DNM2: variants seen among roughly 807,000 people sequenced by gnomAD.
DNM2 encodes dynamin 2.
In DNM2, 15 loss-of-function variants were observed where a neutral mutation model predicts 99.0. That is an observed-to-expected ratio of 0.15 (90% CI 0.10 to 0.23). The LOEUF (loss-of-function observed/expected upper bound fraction) is 0.23, where lower values mean the gene tolerates loss of function less well. DNM2 is among the 10% of genes least tolerant of loss of function. The probability of loss-of-function intolerance (pLI) is 1.00; values close to 1 mark genes in which losing one functional copy is unlikely to be tolerated. For synonymous variants in DNM2, 525 were observed against 481.2 expected (o/e 1.09, Z -1.19); for missense variants, 742 against 1,189.4 (o/e 0.62, Z 5.53).
intron 18 of DNM2, among the ~76,000 whole-genome samples, chr19:10,827,210 G>A (rs1024757598): frequency 2.6e-5 from 4 of 152,084 alleles, no homozygotes; most frequent in Non-Finnish European, 4.4e-5. Context: ...CGATAGGATC[G>A]GAGACATATA....
At chr19:10,829,941 G>C (rs1051941785) in intron 19 of DNM2, among the ~76,000 whole-genome samples, 186 bp from the exon 20 acceptor site, 1 of 152,146 alleles carries the variant, frequency 6.6e-6, no homozygotes, top group Middle Eastern at 3.2e-3. Context: ...CTGTGAGTGG[G>C]AAGTGCCTGA....
intron 1 of DNM2, among the ~76,000 whole-genome samples, chr19:10,757,228 C>A (rs1460190161): frequency 1.3e-5 from 2 of 152,074 alleles, no homozygotes; most frequent in Non-Finnish European, 2.9e-5. Context: ...GCAGTCCAGG[C>A]TGCAAGCCCC....
chr19:10,787,767 A>AG (rs1276876690), intron 7 of DNM2, among the ~76,000 whole-genome samples: 8 of 151,632 alleles, frequency 5.3e-5, no homozygotes, highest in Non-Finnish European at 8.8e-5. Context: ...AAAAAAAAAA[A>AG]AAAATTGCAA....
chr19:10,730,302 C>G (rs1220775439), intron 1 of DNM2, among the ~76,000 whole-genome samples: 1 of 152,148 alleles, frequency 6.6e-6, no homozygotes, highest in African/African-American at 2.4e-5. Context: ...CATGGTGAGA[C>G]CTCGTCTCTA....
intron 1 of DNM2, among the ~76,000 whole-genome samples, chr19:10,725,445 CA>C (rs35718224): frequency 0.055 from 4,642 of 83,896 alleles, 68 homozygotes; most frequent in Middle Eastern, 0.17. Context: ...GACTCCATCT[CA>C]AAAAAAAAAA....
intron 15 of DNM2, among the ~76,000 whole-genome samples, chr19:10,815,776 G>A (rs941052881): frequency 1.3e-5 from 2 of 152,170 alleles, no homozygotes; most frequent in African/African-American, 4.8e-5. Context: ...CTTCCCCTTG[G>A]GTTTGGGGGA....
rs1415345470 is a variant in DNM2 at position 10,765,437 on chromosome 19, TTTACCAAG to T, written c.235+5627_235+5634del. ...CTGGGCGGGAAGTGATGGGGGTTACTTTACCAAGCATCTTCCCCTGGTGAGCCTGGTCC... is the reference window on the plus strand; with the variant it reads ...CTGGGCGGGAAGTGATGGGGGTTACTCATCTTCCCCTGGTGAGCCTGGTCC... On this transcript the variant is annotated intron_variant, in intron 2 of 20. Coordinates refer to ENST00000389253, the MANE Select transcript of DNM2 (RefSeq NM_001005361.3). The surrounding 1 kb of genome is among the most constrained non-coding windows in gnomAD (Gnocchi z 4.4). Among the ~76,000 whole-genome samples, 4 of 152,204 alleles carry T rather than the reference TTTACCAAG, an allele frequency of 2.6e-5. No homozygotes were observed. Among genetic ancestry groups the T allele is most frequent in the Non-Finnish European group, 4.4e-5 (3 of 68,028 alleles).
At chr19:10,823,965 TC>T in intron 17 of DNM2, 66 bp downstream of exon 17, 2 of 1,514,438 alleles carry the variant, frequency 1.3e-6, no homozygotes, top group Non-Finnish European at 1.8e-6. Context: ...GGGCTGGCTT[TC>T]CCCAGGACAG....
chr19:10,795,290 G>A lies in DNM2; in HGVS notation c.1129-82G>A. On this transcript the variant is annotated intron_variant, in intron 8 of 20. Transcript: ENST00000389253. The surrounding 1 kb of genome is among the most constrained non-coding windows in gnomAD (Gnocchi z 4.2). The stretch of plus-strand genomic sequence containing the variant: ...GCCTTGTGAATATAGCCACACGTGG[G>A]AGAGAACGTTCCCCAGATGCACGCC... The A allele has an allele frequency of 1.5e-6, 2 of 1,299,432 alleles. No individual in the cohort carries two copies. Among genetic ancestry groups the A allele is most frequent in the Admixed American group, 1.7e-5 (1 of 59,570 alleles). The allele number at this position is 1,299,432 out of a possible 1,614,324, so 80.5% of individuals were successfully genotyped here.
chr19:10,808,856 A>T, intron 14 of DNM2: 2 of 445,888 alleles, frequency 4.5e-6, no homozygotes, highest in Non-Finnish European at 8.1e-6. Context: ...TAGGTCAGGG[A>T]TGGCAAATAC....
At position 10,831,119 on chromosome 19, in the gene DNM2, C is replaced by A; in HGVS notation, c.*72C>A. 6.6e-7 allele frequency: 1 copy of A among 1,511,656 alleles called. No individual in the cohort carries two copies. The highest frequency in any genetic ancestry group is 1.4e-5 in the African/African-American group (1 of 71,586). 93.6% of individuals were successfully genotyped at this position (1,511,656 alleles called of 1,614,324 possible). ...GCAGGAGCTTCAGTGGTCTGGGGCC[C>A]TCCGCCGCCCCTATGCTGGGACCAG... is the stretch of plus-strand genomic sequence containing the variant. On this transcript the variant is annotated 3_prime_UTR_variant, in exon 21 of 21. Coordinates refer to ENST00000389253, the MANE Select transcript of DNM2 (RefSeq NM_001005361.3). The surrounding 1 kb of genome is among the most constrained non-coding windows in gnomAD (Gnocchi z 4.3).
chr19:10,777,086 GCCTCTGA>G (rs748362325), intron 4 of DNM2, 25 bp from the exon 5 acceptor site: 1 of 1,611,180 alleles, frequency 6.2e-7, no homozygotes, highest in East Asian at 2.2e-5. Flanking sequence ...CCTGGTGGCA[GCCTCTGA>G]CCTCTGACCT....
intron 1 of DNM2, among the ~76,000 whole-genome samples, chr19:10,731,952 G>T (rs74257925): frequency 0.031 from 4,683 of 148,794 alleles, 77 homozygotes; most frequent in South Asian, 0.097. Flanking sequence ...GCACAGGCTT[G>T]ATTTTTTTTT....
At chr19:10,718,425 C>T in intron 1 of DNM2, 22 bp downstream of exon 1, 8 of 1,433,536 alleles carry the variant, frequency 5.6e-6, no homozygotes, top group Non-Finnish European at 7.3e-6. Context: ...CGGCAGGGAT[C>T]GCGGGCGGGT....
In DNM2 at chr19:10,772,103, T is replaced by C. The variant is rs1246272532; in HGVS notation, c.236-376T>C. ...TATTTATTTTTTTATTTTTTTGAGA[T>C]GGAGTCTTCTCTGTCTCCCAGGCTA... On this transcript the variant is annotated intron_variant, in intron 2 of 20. Coordinates refer to ENST00000389253, the MANE Select transcript of DNM2 (RefSeq NM_001005361.3). This position sits in a 1 kb window ranked among gnomAD's most constrained non-coding sequence, Gnocchi z 4.9. Among the ~76,000 whole-genome samples the C allele has an allele frequency of 6.6e-6, 1 of 151,860 alleles. No homozygotes were observed. The highest frequency in any genetic ancestry group is 1.5e-5 in the Non-Finnish European group (1 of 68,010).
In DNM2 at chr19:10,786,701, G is replaced by C. The variant is rs761023896; in HGVS notation, c.987G>C (p.Leu329=). 1.9e-6 allele frequency: 3 copies of C among 1,614,058 alleles called. No homozygotes were observed. The East Asian group carries it at 6.7e-5, about 36-fold the overall frequency. Residue 329 remains leucine, a synonymous_variant, in exon 7 of 21, where the codon CTG becomes CTC. Transcript: ENST00000389253. ...ACCCCACCCGCAAAACCAAAGCCCT[G>C]CTGCAGTATGTACCCCGGCACCCAC... ...PDDPTRKTKA[L]LQMVQQFGVD...
rs1158222649 is a variant in DNM2 at position 10,746,732 on chromosome 19, T to TG, written c.162-13006_162-13005insG. Among the ~76,000 whole-genome samples the TG allele has an allele frequency of 7.4e-4, 87 of 118,066 alleles. 4 individuals are homozygous for TG. Among genetic ancestry groups the TG allele is most frequent in the South Asian group, 2.4e-3 (8 of 3,320 alleles). 77.5% of individuals were successfully genotyped at this position (118,066 alleles called of 152,430 possible). A position where few individuals can be genotyped will look rare whatever the true frequency, so the allele number is the denominator to read the frequency against. The stretch of plus-strand genomic sequence containing the variant: ...ACCGTGCCGGCTTTTTTTTTGTTTT[T>TG]TGTTTTTTTTTTTTTTGAGACAGTC... On this transcript the variant is annotated intron_variant, in intron 1 of 20. Coordinates refer to ENST00000389253, the MANE Select transcript of DNM2 (RefSeq NM_001005361.3).
At chr19:10,721,831 G>A (rs112136312) in intron 1 of DNM2, among the ~76,000 whole-genome samples, 6 of 152,278 alleles carry the variant, frequency 3.9e-5, no homozygotes, top group South Asian at 2.1e-4. Flanking sequence ...TTTTACCTGC[G>A]TAGCTTTTGT....
At chr19:10,823,570 A>C in intron 16 of DNM2, 1 of 567,110 alleles carries the variant, frequency 1.8e-6, no homozygotes, top group East Asian at 3.0e-5. Flanking sequence ...CAGCTGATCC[A>C]ACAGAAACAA....
Sources: gnomAD v4.1 joint callset for allele counts (sites outside exome capture counted in the v4.1 genomes callset) on GRCh38, gnomAD v4.1.1 for gene constraint, Gnocchi (gnomAD v3.1) non-coding constraint, MANE v1.5 for transcripts, NCBI Gene and HGNC (gene_info 2026-07-23, HGNC 2026-07-21) for gene names.